MCTP1: variants seen among roughly 807,000 people sequenced by gnomAD.
The protein encoded by MCTP1 is multiple C2 and transmembrane domain-containing protein 1.
Under a neutral mutation model 120.6 loss-of-function variants are expected in MCTP1, and 69 were observed. The observed-to-expected ratio is 0.57, with a 90% CI of 0.47 to 0.70. The LOEUF is 0.70. MCTP1 is among the 30% of genes least tolerant of loss of function. The pLI is 0.00. For missense variants in MCTP1, 1,203 were observed against 1,248.8 expected, an observed-to-expected ratio of 0.96 and a Z score of 0.55; for synonymous variants, 529 against 493.1, an observed-to-expected ratio of 1.07 and a Z score of -0.96.
At chr5:94,883,285 T>C (rs1248279323) in intron 12 of MCTP1, among the ~76,000 whole-genome samples, 2 of 152,164 alleles carry the variant, frequency 1.3e-5, no homozygotes, top group African/African-American at 4.8e-5. Flanking sequence ...GCATTATAAA[T>C]TGGATAAAAT....
intron 10 of MCTP1, among the ~76,000 whole-genome samples, chr5:94,900,881 T>C (rs1217289628): frequency 1.3e-5 from 2 of 152,238 alleles, no homozygotes; most frequent in Admixed American, 6.5e-5. Context: ...ACAGGAATCA[T>C]GGATGAAAAA....
At position 95,251,542 on chromosome 5, in the gene MCTP1, T is replaced by C. The variant is rs186030593; in HGVS notation, c.720+32314A>G. ...CTCAAATTTAGGGAAAGTAACTCCA[T>C]AAATACATGTGGATGGTGGAGTTTA... On this transcript the variant is annotated intron_variant, in intron 1 of 22. Coordinates refer to ENST00000515393, the MANE Select transcript of MCTP1 (RefSeq NM_024717.7). 6.6e-5 allele frequency among the ~76,000 whole-genome samples: 10 copies of C among 152,262 alleles called. No homozygotes were observed. In the East Asian group the frequency reaches 1.9e-3, roughly 29 times the overall value.
chr5:95,284,190 A>G lies in MCTP1; in HGVS notation c.386T>C (p.Leu129Ser), dbSNP rs561495669. ...STLRRRIREHLLPAVKGPAAA... is the reference protein window; with the variant it reads ...STLRRRIREHSLPAVKGPAAA... Reference sequence around the variant, plus strand: ...CGCGGGCCCCTTTACGGCGGGGAGCAAATGCTCGCGGATCCGGCGGCGTAG... The same window carrying G: ...CGCGGGCCCCTTTACGGCGGGGAGCGAATGCTCGCGGATCCGGCGGCGTAG... The change falls in exon 1 of 23, where the codon TTG becomes TCG. Residue 129 changes from leucine (L) to serine (S), a missense_variant. Transcript: ENST00000515393. This position sits in a 1 kb window ranked among gnomAD's most constrained non-coding sequence, Gnocchi z 5.2. 1.9e-6 allele frequency: 3 copies of G among 1,545,628 alleles called. No individual in the cohort carries two copies. Among genetic ancestry groups the G allele is most frequent in the Non-Finnish European group, 2.6e-6 (3 of 1,147,176 alleles).
chr5:95,210,000 C>A (rs944625436), intron 1 of MCTP1, among the ~76,000 whole-genome samples: 1 of 152,124 alleles, frequency 6.6e-6, no homozygotes, highest in African/African-American at 2.4e-5. Flanking sequence ...GTTTCTTAAT[C>A]CTGAGTTCTA....
At chr5:95,084,725 C>T in intron 1 of MCTP1, among the ~76,000 whole-genome samples, 1 of 152,120 alleles carries the variant, frequency 6.6e-6, no homozygotes, top group East Asian at 1.9e-4. Context: ...TTTCAGGCTT[C>T]TGAATTGGGC....
At chr5:95,071,089 G>T (rs576827371) in intron 1 of MCTP1, among the ~76,000 whole-genome samples, 1 of 152,312 alleles carries the variant, frequency 6.6e-6, no homozygotes, top group South Asian at 2.1e-4. Flanking sequence ...GGAGAGAAAT[G>T]TTGAACAAAG....
chr5:94,896,383 T>C (rs1803995879), intron 10 of MCTP1, among the ~76,000 whole-genome samples: 2 of 152,196 alleles, frequency 1.3e-5, no homozygotes, highest in Admixed American at 6.5e-5. Context: ...TTGGGTACAG[T>C]TGGAACCAAG....
intron 1 of MCTP1, among the ~76,000 whole-genome samples, chr5:95,283,078 G>A (rs773306719): frequency 6.6e-6 from 1 of 152,152 alleles, no homozygotes; most frequent in Admixed American, 6.5e-5. Context: ...GTGCCTCTTC[G>A]AAATTGAGGG....
chr5:95,034,382 A>C lies in MCTP1; in HGVS notation c.721-16898T>G, dbSNP rs528371105. The stretch of plus-strand genomic sequence containing the variant: ...CACTGCTACAAAAATAAACACATAG[A>C]TCAATGGAACAGAATAGAGAACCCA... On this transcript the variant is annotated intron_variant, in intron 1 of 22. Transcript: ENST00000515393. Among the ~76,000 whole-genome samples, 155 of 152,206 alleles carry C rather than the reference A, an allele frequency of 1.0e-3. 1 individual carries two copies. The highest frequency in any genetic ancestry group is 3.6e-3 in the African/African-American group (150 of 41,546).
At chr5:94,778,993 C>T in intron 19 of MCTP1, 117 bp downstream of exon 19, 1 of 824,964 alleles carries the variant, frequency 1.2e-6, no homozygotes, top group South Asian at 1.5e-5. Context: ...TGATAAACAG[C>T]ACTGTCCAAT....
chr5:95,102,685 A>T (rs186050011), intron 1 of MCTP1, among the ~76,000 whole-genome samples: 30 of 151,782 alleles, frequency 2.0e-4, no homozygotes, highest in Admixed American at 1.8e-3. Context: ...AGGTATTGTA[A>T]CAATCCATGA....
At chr5:95,041,579 C>T (rs1842373895) in intron 1 of MCTP1, among the ~76,000 whole-genome samples, 1 of 152,052 alleles carries the variant, frequency 6.6e-6, no homozygotes, top group African/African-American at 2.4e-5. Flanking sequence ...ATTTGGAGGG[C>T]ATTTTTTGGC....
chr5:95,060,592 TATC>T (rs1264256072), intron 1 of MCTP1, among the ~76,000 whole-genome samples: 3 of 152,164 alleles, frequency 2.0e-5, no homozygotes, highest in Non-Finnish European at 4.4e-5. Context: ...ACTAAAAAAT[TATC>T]ATCGTCTGTT....
intron 1 of MCTP1, among the ~76,000 whole-genome samples, chr5:95,203,864 C>T (rs2152556510): frequency 6.6e-6 from 1 of 152,322 alleles, no homozygotes; most frequent in African/African-American, 2.4e-5. Flanking sequence ...AGATAACTCA[C>T]ATTCTCTTCC....
intron 7 of MCTP1, among the ~76,000 whole-genome samples, chr5:94,919,598 C>T (rs893340526): frequency 1.4e-4 from 22 of 152,090 alleles, no homozygotes; most frequent in African/African-American, 5.3e-4. Context: ...TCAGCTCTTT[C>T]TTCTATTTTC....
chr5:95,119,222 T>C (rs983960062), intron 1 of MCTP1, among the ~76,000 whole-genome samples: 3 of 152,082 alleles, frequency 2.0e-5, no homozygotes, highest in African/African-American at 7.2e-5. Context: ...TAGAAATCAA[T>C]AACCAGAGGG....
At chr5:95,146,921 A>G (rs1373248926) in intron 1 of MCTP1, among the ~76,000 whole-genome samples, 1 of 152,106 alleles carries the variant, frequency 6.6e-6, no homozygotes, top group Non-Finnish European at 1.5e-5. Flanking sequence ...GTTTAAGTAC[A>G]GAATTTCTTT....
At chr5:95,192,141 T>C (rs1562224027) in intron 1 of MCTP1, among the ~76,000 whole-genome samples, 3 of 149,614 alleles carry the variant, frequency 2.0e-5, no homozygotes, top group African/African-American at 7.6e-5. Flanking sequence ...TCCCAAGGGA[T>C]AAAAAAAAGT....
chr5:95,098,266 T>C (rs1384460274), intron 1 of MCTP1, among the ~76,000 whole-genome samples: 1 of 152,230 alleles, frequency 6.6e-6, no homozygotes, highest in Non-Finnish European at 1.5e-5. Flanking sequence ...GTGTGTATGT[T>C]GTGGGGTAGG....
Sources: gnomAD v4.1 joint callset for allele counts (sites outside exome capture counted in the v4.1 genomes callset) on GRCh38, gnomAD v4.1.1 for gene constraint, Gnocchi (gnomAD v3.1) non-coding constraint, MANE v1.5 for transcripts, NCBI Gene and HGNC (gene_info 2026-07-23, HGNC 2026-07-21) for gene names.